The following CORO1C variants were observed in gnomAD, a reference collection of about 807,000 sequenced individuals.
The protein encoded by CORO1C is coronin-1C.
In CORO1C, 14 loss-of-function variants were observed where a neutral mutation model predicts 51.2. That is an observed-to-expected ratio of 0.27 (90% confidence interval 0.18 to 0.43). CORO1C has a LOEUF of 0.43. Among genes scored for constraint, CORO1C ranks in the 20% least tolerant of loss-of-function variants. The probability of loss-of-function intolerance (pLI) is 1.00; values close to 1 mark genes in which losing one functional copy is unlikely to be tolerated. For missense variants in CORO1C, 417 were observed against 607.8 expected (o/e 0.69, Z 3.30); for synonymous variants, 181 against 210.5 (o/e 0.86, Z 1.21).
rs576506042 is a variant in CORO1C, at chr12:108,673,267, T to C, written c.318+5005A>G. Among the ~76,000 whole-genome samples, 7 of 152,218 alleles carry C rather than the reference T, an allele frequency of 4.6e-5. No individual in the cohort carries two copies. In the South Asian group the frequency reaches 1.5e-3, roughly 32 times the overall value. ...AACAGCCTTGTTTTAGTGGTCTGGA[T>C]AGAAATACAAACCAGCCACAAGATT... On this transcript the variant is annotated intron_variant, in intron 3 of 10. Coordinates refer to ENST00000261401, the MANE Select transcript of CORO1C (RefSeq NM_014325.4).
chr12:108,662,031 G>A lies in CORO1C; in HGVS notation c.446C>T (p.Ala149Val). The A allele has an allele frequency of 6.2e-7, 1 of 1,614,090 alleles. No homozygotes were observed. ...HPTARNVLLS[A>V]GCDNAIIIWN... ...GGACCGCTGAGCTCAGCTCCCACCTGCACTAAGAAGCACATTGCGGGCCGT... is the reference window on the plus strand; with the variant it reads ...GGACCGCTGAGCTCAGCTCCCACCTACACTAAGAAGCACATTGCGGGCCGT... The change falls in exon 4 of 11, where the codon GCA becomes GTA. Residue 149 changes from alanine (A) to valine (V), a missense_variant and splice_region_variant. By Grantham distance (64) the Ala-to-Val change is moderately conservative. Coordinates refer to ENST00000261401, the MANE Select transcript of CORO1C (RefSeq NM_014325.4).
intron 1 of CORO1C, among the ~76,000 whole-genome samples, chr12:108,716,903 G>A (rs1042585416): frequency 3.9e-5 from 6 of 152,160 alleles, no homozygotes; most frequent in East Asian, 1.9e-4. Flanking sequence ...CTATTCACTC[G>A]GCTTTGACCA....
intron 8 of CORO1C, 139 bp from the exon 9 acceptor site, chr12:108,649,159 A>C: frequency 1.1e-6 from 1 of 899,136 alleles, no homozygotes; most frequent in Non-Finnish European, 1.7e-6. Flanking sequence ...CCACCCCGGG[A>C]ATAGGCAGAA....
chr12:108,664,813 G>C (rs922244748), intron 3 of CORO1C, among the ~76,000 whole-genome samples: 17 of 152,334 alleles, frequency 1.1e-4, no homozygotes, highest in African/African-American at 4.1e-4. Context: ...TGAATATAAA[G>C]CAGGACTGAC....
chr12:108,683,247 G>A (rs1464962826), intron 2 of CORO1C, among the ~76,000 whole-genome samples: 3 of 151,932 alleles, frequency 2.0e-5, no homozygotes, highest in Non-Finnish European at 4.4e-5. Context: ...GTGAAACCCC[G>A]TCTCTGCTAA....
chr12:108,681,055 T>C (rs1055837060), intron 2 of CORO1C, among the ~76,000 whole-genome samples: 1 of 152,214 alleles, frequency 6.6e-6, no homozygotes, highest in African/African-American at 2.4e-5. Flanking sequence ...TAGGCTGGAA[T>C]GCTGTGGCCA....
intron 2 of CORO1C, among the ~76,000 whole-genome samples, chr12:108,698,773 G>A (rs1199695295): frequency 2.6e-5 from 4 of 152,226 alleles, no homozygotes; most frequent in Non-Finnish European, 5.9e-5. Context: ...GAAGGATAAA[G>A]AGACACATCC....
At chr12:108,659,461 T>C (rs1406288770) in intron 4 of CORO1C, among the ~76,000 whole-genome samples, 3 of 152,358 alleles carry the variant, frequency 2.0e-5, no homozygotes, top group African/African-American at 7.2e-5. Flanking sequence ...AAAATCACTT[T>C]TAATCCCACC....
chr12:108,701,379 C>CT, intron 1 of CORO1C, 56 bp from the exon 2 acceptor site: 1 of 1,609,230 alleles, frequency 6.2e-7, no homozygotes, highest in Non-Finnish European at 8.5e-7. Flanking sequence ...GAAAGCTTTA[C>CT]TTTTACAAAT....
chr12:108,701,097 A>G (rs377504365), intron 2 of CORO1C, 27 bp downstream of exon 2: 10 of 1,607,366 alleles, frequency 6.2e-6, no homozygotes, highest in Non-Finnish European at 8.5e-6. Flanking sequence ...GAGGGTGTCT[A>G]CCAGAATGGA....
chr12:108,729,068 T>C (rs1052888721), intron 1 of CORO1C, among the ~76,000 whole-genome samples: 20 of 152,178 alleles, frequency 1.3e-4, no homozygotes, highest in African/African-American at 4.6e-4. Flanking sequence ...AATTAAAATT[T>C]TGCCATCATA....
chr12:108,691,459 T>C (rs896336418), intron 2 of CORO1C, among the ~76,000 whole-genome samples: 1 of 152,228 alleles, frequency 6.6e-6, no homozygotes, highest in Non-Finnish European at 1.5e-5. Flanking sequence ...ACAGCAGCTT[T>C]CCCAGACTGG....
intron 2 of CORO1C, among the ~76,000 whole-genome samples, chr12:108,680,272 G>A (rs2034077127): frequency 6.6e-6 from 1 of 152,156 alleles, no homozygotes; most frequent in Non-Finnish European, 1.5e-5. Flanking sequence ...TTTTCTTCTG[G>A]GAAAGGTAAG....
intron 7 of CORO1C, among the ~76,000 whole-genome samples, chr12:108,653,220 T>C (rs2032762027): frequency 6.6e-6 from 1 of 152,260 alleles, no homozygotes. Context: ...TTACTAGTCA[T>C]TTCTGCATGC....
At chr12:108,650,473 CTGGCCCA>C (rs2032598067) in intron 8 of CORO1C, among the ~76,000 whole-genome samples, 1 of 152,148 alleles carries the variant, frequency 6.6e-6, no homozygotes. Flanking sequence ...ACCACCACTC[CTGGCCCA>C]AAAACATTTT....
At chr12:108,729,126 T>C (rs1186277088) in intron 1 of CORO1C, among the ~76,000 whole-genome samples, 1 of 152,226 alleles carries the variant, frequency 6.6e-6, no homozygotes, top group Non-Finnish European at 1.5e-5. Context: ...AGAATTGATA[T>C]TCATCCTTTT....
rs2033102793 is a variant in CORO1C at position 108,658,105 on chromosome 12, T to C, written c.630+633A>G. Among the ~76,000 whole-genome samples, 1 of 152,200 alleles carries C rather than the reference T, an allele frequency of 6.6e-6. No homozygotes were observed. The highest frequency in any genetic ancestry group is 2.4e-5 in the African/African-American group (1 of 41,456). Reference sequence around the variant, plus strand: ...CAAATGTCCATCTTTTGTCAAGGTATGTGATTTTGTTGAGGTCCAGTTTGG... The same window carrying C: ...CAAATGTCCATCTTTTGTCAAGGTACGTGATTTTGTTGAGGTCCAGTTTGG... On this transcript the variant is annotated intron_variant, in intron 5 of 10. Transcript: ENST00000261401. The surrounding 1 kb of genome is among the most constrained non-coding windows in gnomAD (Gnocchi z 4.9).
chr12:108,670,767 A>G (rs2033684638), intron 3 of CORO1C, among the ~76,000 whole-genome samples: 1 of 152,152 alleles, frequency 6.6e-6, no homozygotes. Context: ...TTTAGACAAT[A>G]TAAGACTGCT....
At chr12:108,673,215 T>C (rs558099993) in intron 3 of CORO1C, among the ~76,000 whole-genome samples, 1 of 152,280 alleles carries the variant, frequency 6.6e-6, no homozygotes, top group Non-Finnish European at 1.5e-5. Context: ...GCTACTCCAG[T>C]GAACACATGA....
Sources: gnomAD v4.1 joint callset for allele counts (sites outside exome capture counted in the v4.1 genomes callset) on GRCh38, gnomAD v4.1.1 for gene constraint, Gnocchi (gnomAD v3.1) non-coding constraint, MANE v1.5 for transcripts, NCBI Gene and HGNC (gene_info 2026-07-23, HGNC 2026-07-21) for gene names.